Variants in PLCH2 observed in about 807,000 individuals in gnomAD.
PLCH2 encodes 1-phosphatidylinositol 4,5-bisphosphate phosphodiesterase eta-2.
A neutral mutation model predicts 134.7 loss-of-function variants in PLCH2; 98 were observed. The ratio of observed to expected loss-of-function variants is 0.73; its 90% CI spans 0.62 to 0.86. PLCH2 has a LOEUF of 0.86. PLCH2 is among the 40% of genes least tolerant of loss of function. The pLI, the probability that PLCH2 is intolerant of heterozygous loss-of-function variation, is 0.00. For missense variants in PLCH2, 1,994 were observed against 1,986.6 expected (o/e 1.00, Z -0.07); for synonymous variants, 974 against 827.5 (o/e 1.18, Z -3.04).
chr1:2,459,642 T>TTCCTTTCCGGTGGTCC (rs1373112136), intron 2 of PLCH2, among the ~76,000 whole-genome samples: 1 of 9,946 alleles, frequency 1.0e-4, no homozygotes, highest in Non-Finnish European at 4.7e-4. Flanking sequence ...GCCTGTGGTC[T>TTCCTTTCCGGTGGTCC]TCCTTTCCGG....
In PLCH2 at chr1:2,498,794, C is replaced by T; in HGVS notation, c.2400C>T (p.Cys800=). ...EVEIIGLPVD[C]SREQTRVVDD... The stretch of plus-strand genomic sequence containing the variant: ...AGATCATTGGGCTCCCTGTGGACTG[C>T]AGCAGGGAGCAGACCCGCGTGGTGG... The change falls in exon 18 of 22, where the codon TGC becomes TGT. Residue 800 remains cysteine, a synonymous_variant. Transcript: ENST00000378486. This position sits in a 1 kb window ranked among gnomAD's most constrained non-coding sequence, Gnocchi z 5.4. The T allele has an allele frequency of 1.9e-6, 3 of 1,611,272 alleles. No individual in the cohort carries two copies. The highest frequency in any genetic ancestry group is 2.5e-6 in the Non-Finnish European group (3 of 1,178,922).
At position 2,505,330 on chromosome 1, in the gene PLCH2, G is replaced by GTCCCCTCCACCCCTGCC. The variant is rs1553119940; in HGVS notation, c.*122_*138dup. Reference sequence around the variant, plus strand: ...AACTGTGTCCCCCTGGCTGCCCTGTGTCCCCTCCACCCCTGCCTCCCTCCT... The same window carrying GTCCCCTCCACCCCTGCC: ...AACTGTGTCCCCCTGGCTGCCCTGTGTCCCCTCCACCCCTGCCTCCCCTCCACCCCTGCCTCCCTCCT... On this transcript the variant is annotated 3_prime_UTR_variant, in exon 22 of 22. Coordinates refer to ENST00000378486, the MANE Select transcript of PLCH2 (RefSeq NM_014638.4). The GTCCCCTCCACCCCTGCC allele has an allele frequency of 2.0e-4, 146 of 743,692 alleles. 2 individuals are homozygous for GTCCCCTCCACCCCTGCC. The East Asian group carries it at 4.0e-3, about 21-fold the overall frequency. The allele number at this position is 743,692 out of a possible 1,614,324, so 46.1% of individuals were successfully genotyped here. A position where few individuals can be genotyped will look rare whatever the true frequency, so the allele number is the denominator to read the frequency against.
At position 2,505,255 on chromosome 1, in the gene PLCH2, C is replaced by A. The variant is rs986190276; in HGVS notation, c.*42C>A. On this transcript the variant is annotated 3_prime_UTR_variant, in exon 22 of 22. Coordinates refer to ENST00000378486, the MANE Select transcript of PLCH2 (RefSeq NM_014638.4). ...CCTGGGCGGCTCTGGAGGCCCAGGG[C>A]AGGGGTGGGCGTGTTGTTTGCTCAG... 4.8e-6 allele frequency: 7 copies of A among 1,449,142 alleles called. No individual in the cohort carries two copies. In the East Asian group the frequency reaches 1.7e-4, roughly 36 times the overall value. The allele number at this position is 1,449,142 out of a possible 1,614,324, so 89.8% of individuals were successfully genotyped here. A position where few individuals can be genotyped will look rare whatever the true frequency, so the allele number is the denominator to read the frequency against.
intron 2 of PLCH2, among the ~76,000 whole-genome samples, chr1:2,436,648 C>T (rs1187391673): frequency 6.6e-6 from 1 of 152,208 alleles, no homozygotes; most frequent in Non-Finnish European, 1.5e-5. Context: ...ACCTGTGGCT[C>T]TGTCTCCTGG....
At chr1:2,418,396 C>T in the PLCH2 span, among the ~76,000 whole-genome samples, 1,135 of 152,216 alleles carry the variant, frequency 7.5e-3, 18 homozygotes, top group African/African-American at 0.026. Context: ...GCTCCTGCAG[C>T]GAGCTCTGGG....
chr1:2,466,681 G>A (rs1429769167), upstream of PLCH2, among the ~76,000 whole-genome samples: 1 of 152,256 alleles, frequency 6.6e-6, no homozygotes, highest in African/African-American at 2.4e-5. Flanking sequence ...TTGGGGCAGA[G>A]GTGGTACCTT....
In PLCH2 at chr1:2,497,002, G is replaced by GC; in HGVS notation, c.2110dup (p.Gln704ProfsTer143). On this transcript the variant is annotated frameshift_variant, in exon 15 of 22. Coordinates refer to ENST00000378486, the MANE Select transcript of PLCH2 (RefSeq NM_014638.4). LOFTEE classifies it high-confidence loss of function. ...CCGCAGCCCTTCTGGAACGCCGGCTGCCAAATGGGTGGGTGCGGGCATGGT... is the reference window on the plus strand; with the variant it reads ...CCGCAGCCCTTCTGGAACGCCGGCTGCCCAAATGGGTGGGTGCGGGCATGGT... The GC allele has an allele frequency of 5.0e-6, 8 of 1,612,742 alleles. No homozygotes were observed. The highest frequency in any genetic ancestry group is 6.8e-6 in the Non-Finnish European group (8 of 1,179,600).
chr1:2,482,015 G>A (rs1047018671), intron 4 of PLCH2, among the ~76,000 whole-genome samples: 6 of 152,282 alleles, frequency 3.9e-5, no homozygotes, highest in Non-Finnish European at 8.8e-5. Context: ...CCTAAGATAA[G>A]GCTGGAAGTG....
chr1:2,459,864 CA>C (rs1308476643), intron 2 of PLCH2, among the ~76,000 whole-genome samples: 3 of 152,234 alleles, frequency 2.0e-5, no homozygotes, highest in Non-Finnish European at 4.4e-5. Context: ...GTTTGGAGGC[CA>C]GTTTCTGCTC....
At chr1:2,502,566 G>A (rs1354661277) in intron 21 of PLCH2, 157 bp downstream of exon 21, 12 of 826,144 alleles carry the variant, frequency 1.5e-5, no homozygotes, top group South Asian at 5.8e-5. Flanking sequence ...CAGAGGGAGC[G>A]GCCACCCAGC....
chr1:2,502,562 G>A (rs559934670), intron 21 of PLCH2, 153 bp downstream of exon 21: 2 of 855,280 alleles, frequency 2.3e-6, no homozygotes, highest in East Asian at 2.6e-5. Flanking sequence ...CCTGCAGAGG[G>A]AGCGGCCACC....
upstream of PLCH2, among the ~76,000 whole-genome samples, chr1:2,423,500 C>T (rs1277715305): frequency 2.0e-5 from 3 of 152,044 alleles, no homozygotes; most frequent in Admixed American, 6.6e-5. Context: ...ATTGCAGGTG[C>T]CAAGCAAGGA....
chr1:2,491,939 GC>G (rs1488416571), intron 11 of PLCH2, among the ~76,000 whole-genome samples: 1 of 151,444 alleles, frequency 6.6e-6, no homozygotes, highest in Admixed American at 6.6e-5. Context: ...AGGAGCTGTG[GC>G]CGGCAGATCC....
At chr1:2,494,703 C>T (rs540716703) in intron 11 of PLCH2, among the ~76,000 whole-genome samples, 153 bp from the exon 12 acceptor site, 3 of 152,254 alleles carry the variant, frequency 2.0e-5, no homozygotes, top group East Asian at 1.9e-4. Flanking sequence ...AACCTGTCCC[C>T]GCCCTGCCCT....
chr1:2,458,385 G>A (rs1432269844), intron 2 of PLCH2, among the ~76,000 whole-genome samples: 1 of 152,326 alleles, frequency 6.6e-6, no homozygotes, highest in East Asian at 1.9e-4. Context: ...CCTACAGCAG[G>A]AGCCCTCAGC....
chr1:2,494,658 G>C (rs1231253188), intron 11 of PLCH2, among the ~76,000 whole-genome samples, 198 bp from the exon 12 acceptor site: 1 of 152,172 alleles, frequency 6.6e-6, no homozygotes. Flanking sequence ...CTCTGCCCCA[G>C]GGTGGACTGG....
chr1:2,491,946 G>T (rs183463767), intron 11 of PLCH2, among the ~76,000 whole-genome samples: 1 of 152,058 alleles, frequency 6.6e-6, no homozygotes, highest in Admixed American at 6.6e-5. Flanking sequence ...GTGGCCGGCA[G>T]ATCCCGCAGT....
intron 2 of PLCH2, among the ~76,000 whole-genome samples, chr1:2,449,115 G>A (rs964796056): frequency 3.3e-5 from 5 of 151,932 alleles, no homozygotes; most frequent in African/African-American, 7.3e-5. Flanking sequence ...CTGGACGGAG[G>A]AAAATGCAGA....
chr1:2,496,389 T>C (rs1296704774), intron 13 of PLCH2, among the ~76,000 whole-genome samples: 1 of 152,182 alleles, frequency 6.6e-6, no homozygotes, highest in Admixed American at 6.5e-5. Flanking sequence ...ACACAGTGCC[T>C]AGGGACTTTG....
Sources: gnomAD v4.1 joint callset for allele counts (sites outside exome capture counted in the v4.1 genomes callset) on GRCh38, gnomAD v4.1.1 for gene constraint, Gnocchi (gnomAD v3.1) non-coding constraint, MANE v1.5 for transcripts, NCBI Gene and HGNC (gene_info 2026-07-23, HGNC 2026-07-21) for gene names.